PHF14: variants seen among roughly 807,000 people sequenced by gnomAD.
The protein encoded by PHF14 is PHD finger protein 14.
In PHF14, 55 loss-of-function variants were observed where a neutral mutation model predicts 117.9. The ratio of observed to expected loss-of-function variants is 0.47; its 90% CI spans 0.38 to 0.58. The LOEUF is 0.58. Ranked by LOEUF, PHF14 falls within the 20% of genes least tolerant of loss-of-function variation. The pLI is 0.00. For missense variants in PHF14, 978 were observed against 1,122.2 expected (o/e 0.87, Z 1.84); for synonymous variants, 409 against 368.6 (o/e 1.11, Z -1.26).
chr7:10,974,145 G>A lies in PHF14; in HGVS notation c.-179G>A. The A allele has an allele frequency of 3.3e-6, 2 of 605,182 alleles. No homozygotes were observed. The highest frequency in any genetic ancestry group is 5.9e-6 in the Non-Finnish European group (2 of 336,460). The allele number at this position is 605,182 out of a possible 1,614,324, so 37.5% of individuals were successfully genotyped here. On this transcript the variant is annotated 5_prime_UTR_variant, in exon 1 of 18. Transcript: ENST00000634607. ...AGGGCCAGGCGAGGCCGGGGGGGCG[G>A]GGGGTTAGGGGACCGCGGGGCTACT...
intron 16 of PHF14, among the ~76,000 whole-genome samples, chr7:11,084,394 C>T (rs978644773): frequency 6.6e-6 from 1 of 152,128 alleles, no homozygotes; most frequent in Admixed American, 6.5e-5. Context: ...AGTATATCAT[C>T]ATCCATACTT....
intron 16 of PHF14, among the ~76,000 whole-genome samples, chr7:11,071,874 C>T (rs1357832839): frequency 6.6e-6 from 1 of 152,140 alleles, no homozygotes; most frequent in Non-Finnish European, 1.5e-5. Context: ...ATTCATTCTT[C>T]AACTCAGTAC....
At chr7:11,074,551 G>A (rs892800533) in intron 16 of PHF14, among the ~76,000 whole-genome samples, 6 of 152,058 alleles carry the variant, frequency 3.9e-5, no homozygotes, top group African/African-American at 1.4e-4. Flanking sequence ...CTCCTGTATC[G>A]ATTCATAGGC....
intron 4 of PHF14, among the ~76,000 whole-genome samples, chr7:11,012,481 A>G (rs1369483271): frequency 2.0e-5 from 3 of 152,230 alleles, no homozygotes; most frequent in Non-Finnish European, 2.9e-5. Context: ...AGAAATCTGC[A>G]TATAAGTGCA....
intron 17 of PHF14, among the ~76,000 whole-genome samples, chr7:11,137,673 G>A (rs1387763381): frequency 7.5e-6 from 1 of 133,256 alleles, no homozygotes; most frequent in Non-Finnish European, 1.5e-5. Flanking sequence ...TCGGCTCCCT[G>A]TACCCAGGTT....
chr7:11,165,761 T>C (rs746137710), intron 17 of PHF14, among the ~76,000 whole-genome samples: 2 of 152,162 alleles, frequency 1.3e-5, no homozygotes, highest in Non-Finnish European at 2.9e-5. Flanking sequence ...CATTTATAAA[T>C]AAAGAAAAAC....
chr7:11,072,348 C>T lies in PHF14; in HGVS notation c.2654+10263C>T, dbSNP rs576528581. Reference sequence around the variant, plus strand: ...ATAAACCATTCATGAGAAATCTACCCCCGTGATCCAGTCACCTCCCATCAG... The same window carrying T: ...ATAAACCATTCATGAGAAATCTACCTCCGTGATCCAGTCACCTCCCATCAG... On this transcript the variant is annotated intron_variant, in intron 16 of 17. Transcript: ENST00000634607. Among the ~76,000 whole-genome samples, 401 of 152,256 alleles carry T rather than the reference C, an allele frequency of 2.6e-3. 2 individuals are homozygous for T. Among genetic ancestry groups the T allele is most frequent in the African/African-American group, 9.2e-3 (381 of 41,548 alleles).
At chr7:11,164,261 A>G (rs751539156) in intron 17 of PHF14, among the ~76,000 whole-genome samples, 2 of 152,212 alleles carry the variant, frequency 1.3e-5, no homozygotes, top group African/African-American at 4.8e-5. Flanking sequence ...TGTAACTCTT[A>G]CTTATTTCTG....
At chr7:10,988,265 A>G (rs1394097326) in intron 3 of PHF14, among the ~76,000 whole-genome samples, 2 of 152,150 alleles carry the variant, frequency 1.3e-5, no homozygotes, top group East Asian at 3.9e-4. Context: ...ATGATAATAG[A>G]TGTGGAGAGA....
At chr7:11,015,213 A>G (rs1783493953) in intron 5 of PHF14, 1 of 152,150 alleles carries the variant, frequency 6.6e-6, no homozygotes, top group South Asian at 2.1e-4. Flanking sequence ...TTACTTTAGT[A>G]AAGTAAAACA....
chr7:10,991,423 G>A (rs1307678242), intron 4 of PHF14, among the ~76,000 whole-genome samples: 4 of 151,892 alleles, frequency 2.6e-5, no homozygotes, highest in African/African-American at 4.8e-5. Flanking sequence ...TGATCCACCC[G>A]CCTTGGCCAC....
intron 17 of PHF14, among the ~76,000 whole-genome samples, chr7:11,111,850 T>A (rs1034251747): frequency 1.2e-4 from 18 of 151,726 alleles, no homozygotes; most frequent in African/African-American, 4.4e-4. Flanking sequence ...AATAGAATTT[T>A]ATAGATGTTT....
chr7:11,004,579 A>T (rs754866556), intron 4 of PHF14, among the ~76,000 whole-genome samples: 26 of 151,984 alleles, frequency 1.7e-4, no homozygotes, highest in African/African-American at 6.3e-4. Flanking sequence ...GGTGTTCATG[A>T]TGTTGACATA....
chr7:11,155,193 T>C (rs1349660235), intron 17 of PHF14, among the ~76,000 whole-genome samples: 1 of 152,174 alleles, frequency 6.6e-6, no homozygotes, highest in Non-Finnish European at 1.5e-5. Context: ...TTACTGCCAT[T>C]TTATAGATGA....
At chr7:11,082,814 G>A (rs1786202105) in intron 16 of PHF14, among the ~76,000 whole-genome samples, 2 of 152,048 alleles carry the variant, frequency 1.3e-5, no homozygotes, top group Non-Finnish European at 2.9e-5. Flanking sequence ...TTTCTTCTGT[G>A]TGGGATATGA....
chr7:11,056,575 G>T (rs1442394162), intron 14 of PHF14, among the ~76,000 whole-genome samples: 1 of 151,812 alleles, frequency 6.6e-6, no homozygotes, highest in Non-Finnish European at 1.5e-5. Context: ...GTTGTTTATT[G>T]GTAGCCAACA....
chr7:11,085,953 C>T (rs767762040), intron 16 of PHF14, among the ~76,000 whole-genome samples: 30 of 151,956 alleles, frequency 2.0e-4, no homozygotes, highest in Non-Finnish European at 3.7e-4. Context: ...TTCAGATTTT[C>T]ACCCAGCATT....
intron 17 of PHF14, among the ~76,000 whole-genome samples, chr7:11,162,700 CTTTTT>C (rs5882294): frequency 7.8e-6 from 1 of 127,946 alleles, no homozygotes; most frequent in Non-Finnish European, 1.6e-5. Context: ...AATCCAAAGT[CTTTTT>C]TTTTTTTTTT....
chr7:11,142,585 A>G (rs1788431628), intron 17 of PHF14, among the ~76,000 whole-genome samples: 1 of 152,080 alleles, frequency 6.6e-6, no homozygotes, highest in Non-Finnish European at 1.5e-5. Context: ...TCCATATATT[A>G]AAGTAAAAAA....
Sources: allele counts gnomAD v4.1 joint callset (sites outside exome capture counted in the v4.1 genomes callset), GRCh38; gene constraint gnomAD v4.1.1; transcripts MANE v1.5; gene names NCBI Gene and HGNC (gene_info 2026-07-23, HGNC 2026-07-21).